Variants in SMYD1 observed in about 807,000 individuals in gnomAD.
The protein encoded by SMYD1 is SET and MYND domain containing 1, also known as histone-lysine N-methyltransferase SMYD1.
A neutral mutation model predicts 54.0 loss-of-function variants in SMYD1; 49 were observed. The ratio of observed to expected loss-of-function variants is 0.91; its 90% CI spans 0.72 to 1.15. The LOEUF (loss-of-function observed/expected upper bound fraction) is 1.15. Among genes scored for constraint, SMYD1 ranks in the 50% most tolerant of loss-of-function variants. SMYD1 has a pLI of 0.00. For synonymous variants in SMYD1, 269 were observed against 234.2 expected (o/e 1.15, Z -1.36); for missense variants, 653 against 639.6 (o/e 1.02, Z -0.23).
intron 2 of SMYD1, 105 bp downstream of exon 2, chr2:88,084,597 T>A: frequency 1.8e-6 from 2 of 1,108,106 alleles, no homozygotes; most frequent in Non-Finnish European, 2.6e-6. Context: ...TGAGTGCAAG[T>A]CAGGAAACAG....
intron 1 of SMYD1, among the ~76,000 whole-genome samples, chr2:88,072,055 T>C (rs1410425000): frequency 6.6e-6 from 1 of 152,198 alleles, no homozygotes; most frequent in Non-Finnish European, 1.5e-5. Flanking sequence ...TCCTCCTTGT[T>C]TTCTGATGCA....
intron 3 of SMYD1, among the ~76,000 whole-genome samples, chr2:88,089,529 G>T (rs1674414589): frequency 6.7e-6 from 1 of 150,162 alleles, no homozygotes; most frequent in African/African-American, 2.5e-5. Context: ...TGGTCAGCTT[G>T]TGCCCAGGGA....
chr2:88,108,242 C>A, intron 8 of SMYD1, 129 bp from the exon 9 acceptor site: 1 of 875,884 alleles, frequency 1.1e-6, no homozygotes, highest in Non-Finnish European at 1.6e-6. Flanking sequence ...TTGGCGGCTA[C>A]AGAAGCCTTG....
intron 1 of SMYD1, among the ~76,000 whole-genome samples, chr2:88,083,787 C>T (rs920546715): frequency 6.6e-6 from 1 of 152,122 alleles, no homozygotes; most frequent in Non-Finnish European, 1.5e-5. Flanking sequence ...GTGTCCTTCA[C>T]ATGGGGGTCA....
intron 9 of SMYD1, among the ~76,000 whole-genome samples, chr2:88,109,777 C>T (rs368246756): frequency 3.3e-5 from 5 of 152,248 alleles, no homozygotes; most frequent in African/African-American, 9.6e-5. Flanking sequence ...GGCAGAGAAG[C>T]GGACTAACTA....
chr2:88,098,960 C>G (rs1674662347), intron 6 of SMYD1, among the ~76,000 whole-genome samples: 1 of 152,308 alleles, frequency 6.6e-6, no homozygotes. Context: ...GAAATAAAAA[C>G]CAAATATTTT....
Position 88,088,073 on chromosome 2 carries a change from G to A in SMYD1, c.526G>A (p.Val176Met), listed in dbSNP as rs1674381380. ...SMQYISHIFG[V>M]INCNGFTLSD... The stretch of plus-strand genomic sequence containing the variant: ...GCAGTACATCTCGCACATCTTCGGA[G>A]TGGTAGGCCCCCTGCGTCCCTTCTC... The change falls in exon 3 of 10, where the codon GTG (valine) becomes ATG (methionine). Residue 176 changes from valine to methionine, a missense_variant and splice_region_variant. By Grantham distance (21) the Val-to-Met change is conservative (BLOSUM62 1). Transcript: ENST00000419482. 1 of 1,612,328 alleles carries A rather than the reference G, an allele frequency of 6.2e-7. No individual in the cohort carries two copies. Among genetic ancestry groups the A allele is most frequent in the Non-Finnish European group, 8.5e-7 (1 of 1,179,076 alleles).
At chr2:88,070,216 A>C (rs1673915627) in intron 1 of SMYD1, among the ~76,000 whole-genome samples, 1 of 152,166 alleles carries the variant, frequency 6.6e-6, no homozygotes, top group African/African-American at 2.4e-5. Flanking sequence ...CCAAAGAGGC[A>C]TTAAAGGAAA....
At chr2:88,107,704 C>T (rs1022069066) in intron 8 of SMYD1, among the ~76,000 whole-genome samples, 3 of 152,214 alleles carry the variant, frequency 2.0e-5, no homozygotes, top group African/African-American at 4.8e-5. Flanking sequence ...GCTGTGCTAG[C>T]AATGAGCGAG....
intron 2 of SMYD1, among the ~76,000 whole-genome samples, chr2:88,085,668 C>A (rs556795134): frequency 6.6e-6 from 1 of 152,176 alleles, no homozygotes; most frequent in African/African-American, 2.4e-5. Flanking sequence ...AAATCTACCA[C>A]CCATTGACCT....
intron 7 of SMYD1, among the ~76,000 whole-genome samples, chr2:88,103,353 G>T (rs1447645382): frequency 6.6e-6 from 1 of 152,140 alleles, no homozygotes; most frequent in Non-Finnish European, 1.5e-5. Flanking sequence ...CGTTCTCAGT[G>T]ACTGTTTAAC....
chr2:88,096,139 G>A (rs1674580218), intron 5 of SMYD1, among the ~76,000 whole-genome samples: 1 of 152,224 alleles, frequency 6.6e-6, no homozygotes. Flanking sequence ...ATGGGCCAAG[G>A]TTGTGGGTAA....
At chr2:88,083,743 A>G (rs966449720) in intron 1 of SMYD1, among the ~76,000 whole-genome samples, 1 of 152,132 alleles carries the variant, frequency 6.6e-6, no homozygotes, top group African/African-American at 2.4e-5. Flanking sequence ...CCCTTCCTGA[A>G]TTGAATTGAA....
rs145275251 is a variant in SMYD1, at chr2:88,108,417, C to T, written c.1192C>T (p.Arg398Trp). Residue 398 changes from arginine (R) to tryptophan (W), a missense_variant, in exon 9 of 10, where the codon CGG becomes TGG. By Grantham distance (101) the Arg-to-Trp change is moderately radical. Transcript: ENST00000419482. ...TGCCCAACTGGGCATGGCCGTGATG[C>T]GGGCAGGGCTGACCAACTGGCATGC... ...NNAQLGMAVM[R>W]AGLTNWHAGN... 1.5e-4 allele frequency: 247 copies of T among 1,608,258 alleles called. No individual in the cohort carries two copies. The highest frequency in any genetic ancestry group is 2.3e-4 in the African/African-American group (17 of 74,570).
chr2:88,092,573 T>G (rs1258686228), intron 4 of SMYD1, among the ~76,000 whole-genome samples: 1 of 152,224 alleles, frequency 6.6e-6, no homozygotes. Flanking sequence ...ATTTCTCTTT[T>G]CCTTCCTATT....
chr2:88,095,363 T>G (rs1479326318), intron 5 of SMYD1, among the ~76,000 whole-genome samples: 1 of 152,084 alleles, frequency 6.6e-6, no homozygotes, highest in Non-Finnish European at 1.5e-5. Context: ...GGCATGTCAG[T>G]GTATCTCACT....
chr2:88,102,674 T>G (rs1674746349), intron 6 of SMYD1, among the ~76,000 whole-genome samples: 1 of 152,236 alleles, frequency 6.6e-6, no homozygotes, highest in African/African-American at 2.4e-5. Flanking sequence ...AGGATGTACC[T>G]GTGGAATATG....
At chr2:88,107,664 C>G (rs192777591) in intron 8 of SMYD1, among the ~76,000 whole-genome samples, 1 of 152,344 alleles carries the variant, frequency 6.6e-6, no homozygotes, top group Non-Finnish European at 1.5e-5. Flanking sequence ...CCCCCAGCCT[C>G]GCTGCCGCCT....
chr2:88,093,956 G>A (rs567564680), intron 5 of SMYD1, among the ~76,000 whole-genome samples: 1 of 152,144 alleles, frequency 6.6e-6, no homozygotes, highest in Non-Finnish European at 1.5e-5. Flanking sequence ...CCCAGACTGG[G>A]CTCCAAAAAA....
Sources: allele counts gnomAD v4.1 joint callset (sites outside exome capture counted in the v4.1 genomes callset), GRCh38; gene constraint gnomAD v4.1.1; transcripts MANE v1.5; gene names NCBI Gene and HGNC (gene_info 2026-07-23, HGNC 2026-07-21).